LMNTD1: variants seen among roughly 807,000 people sequenced by gnomAD.
The protein encoded by LMNTD1 is lamin tail domain-containing protein 1.
In LMNTD1, 35 loss-of-function variants were observed where a neutral mutation model predicts 50.9. That is an observed-to-expected ratio of 0.69 (90% confidence interval 0.53 to 0.91). The LOEUF is 0.91. Among genes scored for constraint, LMNTD1 ranks in the 40% least tolerant of loss-of-function variants. LMNTD1 has a pLI of 0.00. For synonymous variants in LMNTD1, 153 were observed against 161.9 expected (o/e 0.94, Z 0.42); for missense variants, 470 against 475.5 (o/e 0.99, Z 0.11).
At chr12:25,644,716 C>A (rs1453949977) in intron 1 of LMNTD1, among the ~76,000 whole-genome samples, 1 of 151,986 alleles carries the variant, frequency 6.6e-6, no homozygotes, top group African/African-American at 2.4e-5. Flanking sequence ...ATAGATGCTG[C>A]AGAATAGAAG....
chr12:25,630,546 C>T (rs890091138), intron 1 of LMNTD1: 2 of 152,324 alleles, frequency 1.3e-5, no homozygotes, highest in Admixed American at 6.5e-5. Context: ...ACACACACCC[C>T]CGCTGGAGAA....
chr12:25,601,317 G>A (rs1032925492), intron 1 of LMNTD1, among the ~76,000 whole-genome samples: 1 of 151,878 alleles, frequency 6.6e-6, no homozygotes, highest in Non-Finnish European at 1.5e-5. Context: ...TAGTGGGATG[G>A]TGGAGGTTGG....
At chr12:25,600,266 T>C (rs534190913) in intron 1 of LMNTD1, among the ~76,000 whole-genome samples, 1 of 152,056 alleles carries the variant, frequency 6.6e-6, no homozygotes, top group Admixed American at 6.6e-5. Flanking sequence ...TGAAACTATA[T>C]CCCTATCTCT....
At chr12:25,616,800 G>A (rs1005053746) in intron 1 of LMNTD1, among the ~76,000 whole-genome samples, 2 of 152,130 alleles carry the variant, frequency 1.3e-5, no homozygotes, top group African/African-American at 4.8e-5. Context: ...AAACTATAGG[G>A]ACAGAAAACA....
chr12:25,576,345 A>T (rs1016754243), intron 1 of LMNTD1, among the ~76,000 whole-genome samples: 2 of 152,194 alleles, frequency 1.3e-5, no homozygotes, highest in African/African-American at 4.8e-5. Flanking sequence ...CATCCTCTCC[A>T]GCACTTGTTG....
chr12:25,549,163 T>C (rs766445707), intron 3 of LMNTD1, among the ~76,000 whole-genome samples, 163 bp downstream of exon 3: 5 of 152,036 alleles, frequency 3.3e-5, no homozygotes, highest in Non-Finnish European at 7.4e-5. Flanking sequence ...AGTTCTAGGA[T>C]CAGTGATGAC....
In LMNTD1 at chr12:25,605,107, A is replaced by C. The variant is rs1189523443; in HGVS notation, c.58+43387T>G. ...ATTTCTCTGATGGCCAGTGATGATGAGCATTTTTTCATGTGTTTTTTGGCT... is the reference window on the plus strand; with the variant it reads ...ATTTCTCTGATGGCCAGTGATGATGCGCATTTTTTCATGTGTTTTTTGGCT... On this transcript the variant is annotated intron_variant, in intron 1 of 7. Transcript: ENST00000445693. Among the ~76,000 whole-genome samples, 5 of 152,298 alleles carry C rather than the reference A, an allele frequency of 3.3e-5. No homozygotes were observed. The East Asian group carries it at 7.7e-4, about 23-fold the overall frequency.
intron 9 of LMNTD1, among the ~76,000 whole-genome samples, chr12:25,494,479 C>T (rs1006272406): frequency 1.3e-5 from 2 of 151,906 alleles, no homozygotes; most frequent in Non-Finnish European, 2.9e-5. Context: ...CGTTGGCCTA[C>T]GAAAAGTAAA....
chr12:25,519,586 T>TTTAAAAAAAAAAAAAAA, intron 7 of LMNTD1, among the ~76,000 whole-genome samples: 1 of 74,940 alleles, frequency 1.3e-5, no homozygotes, highest in South Asian at 5.4e-4. Flanking sequence ...AGACTCTGTC[T>TTTAAAAAAAAAAAAAAA]CAAAAAAAAA....
chr12:25,526,657 C>T (rs933606149), intron 5 of LMNTD1, 112 bp downstream of exon 5: 19 of 669,298 alleles, frequency 2.8e-5, no homozygotes, highest in Non-Finnish European at 4.1e-5. Flanking sequence ...TCACATCTTA[C>T]GTACAGATCC....
chr12:25,591,521 G>A (rs1038792206), intron 1 of LMNTD1, among the ~76,000 whole-genome samples: 20 of 152,160 alleles, frequency 1.3e-4, no homozygotes, highest in African/African-American at 4.8e-4. Context: ...AGACTTCTAA[G>A]ATTTTTGATT....
At chr12:25,522,846 T>C (rs897203224) in intron 6 of LMNTD1, among the ~76,000 whole-genome samples, 1 of 152,104 alleles carries the variant, frequency 6.6e-6, no homozygotes, top group Admixed American at 6.5e-5. Flanking sequence ...ACTTTACAGA[T>C]GGGAAAGTAG....
rs138746262 is a variant in LMNTD1 at position 25,537,377 on chromosome 12, G to A, written c.491+8997C>T. ...CTCCCAGTACGCAGCTGGAGATCTGGGAATGGGCAGACTGCCTCCTTAAGT... is the reference window on the plus strand; with the variant it reads ...CTCCCAGTACGCAGCTGGAGATCTGAGAATGGGCAGACTGCCTCCTTAAGT... On this transcript the variant is annotated intron_variant, in intron 4 of 9. Coordinates refer to ENST00000458174, the MANE Select transcript of LMNTD1 (RefSeq NM_001145728.2). Among the ~76,000 whole-genome samples the A allele has an allele frequency of 3.9e-4, 60 of 152,316 alleles. No individual in the cohort carries two copies. The East Asian group carries it at 0.011, about 27-fold the overall frequency.
At chr12:25,605,195 GT>G (rs941808687) in intron 1 of LMNTD1, among the ~76,000 whole-genome samples, 25 of 151,778 alleles carry the variant, frequency 1.6e-4, no homozygotes, top group African/African-American at 5.5e-4. Context: ...TGATGGGGTT[GT>G]TTTTTTCTTG....
At chr12:25,599,025 G>T (rs1945906366) in intron 1 of LMNTD1, among the ~76,000 whole-genome samples, 1 of 151,712 alleles carries the variant, frequency 6.6e-6, no homozygotes, top group African/African-American at 2.4e-5. Flanking sequence ...GAAAACTACA[G>T]GCCAATATCT....
chr12:25,518,565 C>G (rs929225008), intron 8 of LMNTD1, among the ~76,000 whole-genome samples: 1 of 152,142 alleles, frequency 6.6e-6, no homozygotes, highest in African/African-American at 2.4e-5. Flanking sequence ...TTCATTGATT[C>G]ATTCAACAGA....
intron 1 of LMNTD1, among the ~76,000 whole-genome samples, chr12:25,560,516 G>A (rs1042780605): frequency 2.6e-5 from 4 of 152,118 alleles, no homozygotes; most frequent in African/African-American, 9.7e-5. Context: ...GGATGGTCTT[G>A]GCAATGAGGG....
At chr12:25,610,009 G>A (rs111556495) in intron 1 of LMNTD1, among the ~76,000 whole-genome samples, 5 of 152,190 alleles carry the variant, frequency 3.3e-5, no homozygotes, top group African/African-American at 1.2e-4. Context: ...CCGAGTTCAA[G>A]CTTTCTGGCT....
chr12:25,640,239 G>C (rs1194291906), intron 1 of LMNTD1, among the ~76,000 whole-genome samples: 2 of 152,104 alleles, frequency 1.3e-5, no homozygotes, highest in Non-Finnish European at 2.9e-5. Context: ...TGGGTGCAGT[G>C]GCTCTCACAC....
Sources: gnomAD v4.1 joint callset for allele counts (sites outside exome capture counted in the v4.1 genomes callset) on GRCh38, gnomAD v4.1.1 for gene constraint, MANE v1.5 for transcripts, NCBI Gene and HGNC (gene_info 2026-07-23, HGNC 2026-07-21) for gene names.